The following DUSP10 variants were observed in gnomAD, a reference collection of about 807,000 sequenced individuals.
DUSP10 encodes the protein dual specificity protein phosphatase 10.
Under a neutral mutation model 30.8 loss-of-function variants are expected in DUSP10, and 14 were observed. The ratio of observed to expected loss-of-function variants is 0.46; its 90% CI spans 0.30 to 0.71. The LOEUF (loss-of-function observed/expected upper bound fraction) is 0.71, where lower values mean the gene tolerates loss of function less well. Ranked by LOEUF, DUSP10 falls within the 30% of genes least tolerant of loss-of-function variation. The pLI is 0.08. For synonymous variants in DUSP10, 254 were observed against 250.4 expected, an observed-to-expected ratio of 1.01 and a Z score of -0.14; for missense variants, 550 against 619.4, an observed-to-expected ratio of 0.89 and a Z score of 1.19.
chr1:221,713,559 G>T (rs182383092), intron 2 of DUSP10, among the ~76,000 whole-genome samples: 1 of 151,922 alleles, frequency 6.6e-6, no homozygotes, highest in African/African-American at 2.4e-5. Context: ...TCCTCAATAA[G>T]TTGAGGTGTT....
chr1:221,711,136 G>A (rs1246700525), intron 2 of DUSP10, among the ~76,000 whole-genome samples: 1 of 152,178 alleles, frequency 6.6e-6, no homozygotes, highest in African/African-American at 2.4e-5. Flanking sequence ...CAGTCCTACT[G>A]AAGCAATGGA....
intron 2 of DUSP10, among the ~76,000 whole-genome samples, chr1:221,713,567 G>A (rs1256583369): frequency 6.6e-6 from 1 of 150,938 alleles, no homozygotes; most frequent in African/African-American, 2.4e-5. Context: ...AAGTTGAGGT[G>A]TTTACAGTTT....
At chr1:221,709,741 T>C (rs1049523043) in intron 2 of DUSP10, among the ~76,000 whole-genome samples, 1 of 152,090 alleles carries the variant, frequency 6.6e-6, no homozygotes, top group African/African-American at 2.4e-5. Flanking sequence ...TTTCTTCTCT[T>C]GGGGAAGGGT....
chr1:221,705,523 C>T (rs1302673399), intron 3 of DUSP10, among the ~76,000 whole-genome samples: 1 of 152,098 alleles, frequency 6.6e-6, no homozygotes. Context: ...GCTAAAACTT[C>T]CTCCTTGGGA....
chr1:221,734,511 T>G (rs767609737), intron 2 of DUSP10, among the ~76,000 whole-genome samples: 1 of 152,252 alleles, frequency 6.6e-6, no homozygotes, highest in African/African-American at 2.4e-5. Flanking sequence ...TCTACCATAT[T>G]TATGGAGTGC....
In DUSP10 at chr1:221,701,869, C is replaced by A. The variant is rs1373063884; in HGVS notation, c.*543G>T. On this transcript the variant is annotated 3_prime_UTR_variant, in exon 4 of 4. Coordinates refer to ENST00000366899, the MANE Select transcript of DUSP10 (RefSeq NM_007207.6). ...ACACAAAATCAAAGGTATCCTTTTTCTCCTTAAAGAATGCCTGAAGGATTC... is the reference window on the plus strand; with the variant it reads ...ACACAAAATCAAAGGTATCCTTTTTATCCTTAAAGAATGCCTGAAGGATTC... The A allele has an allele frequency of 2.6e-5, 4 of 151,372 alleles. No homozygotes were observed. Among genetic ancestry groups the A allele is most frequent in the African/African-American group, 7.3e-5 (3 of 41,238 alleles). The allele number at this position is 151,372 out of a possible 1,614,324, so 9.4% of individuals were successfully genotyped here.
chr1:221,730,480 G>A (rs1297900600), intron 2 of DUSP10, among the ~76,000 whole-genome samples: 1 of 152,214 alleles, frequency 6.6e-6, no homozygotes, highest in Admixed American at 6.5e-5. Context: ...GAAGCACTCA[G>A]GAAGAGTTGC....
rs1461829523 is a variant in DUSP10 at position 221,702,123 on chromosome 1, T to TA, written c.*288dup. On this transcript the variant is annotated 3_prime_UTR_variant, in exon 4 of 4. Transcript: ENST00000366899. The surrounding 1 kb of genome is among the most constrained non-coding windows in gnomAD (Gnocchi z 4.5). Reference sequence around the variant, plus strand: ...TTAGTCATAAACTCTACAAATAGCTTAAAAGGAAAAGGGGGAGAAACAAGT... The same window carrying TA: ...TTAGTCATAAACTCTACAAATAGCTTAAAAAGGAAAAGGGGGAGAAACAAGT... The TA allele has an allele frequency of 2.7e-6, 1 of 366,160 alleles. No homozygotes were observed. Among genetic ancestry groups the TA allele is most frequent in the Non-Finnish European group, 5.0e-6 (1 of 198,288 alleles). 22.7% of individuals were successfully genotyped at this position (366,160 alleles called of 1,614,324 possible). A position where few individuals can be genotyped will look rare whatever the true frequency, so the allele number is the denominator to read the frequency against.
intron 2 of DUSP10, among the ~76,000 whole-genome samples, chr1:221,713,487 G>A (rs1279760076): frequency 1.3e-5 from 2 of 152,064 alleles, no homozygotes; most frequent in Non-Finnish European, 2.9e-5. Context: ...CATACTTCTA[G>A]AAATTTTTGA....
intron 2 of DUSP10, among the ~76,000 whole-genome samples, chr1:221,710,247 G>C (rs1660896093): frequency 6.6e-6 from 1 of 152,054 alleles, no homozygotes; most frequent in African/African-American, 2.4e-5. Flanking sequence ...TAGTCCATGA[G>C]AGCCCTAAGT....
chr1:221,715,532 ATAAC>A (rs1661073550), intron 2 of DUSP10, among the ~76,000 whole-genome samples: 2 of 152,354 alleles, frequency 1.3e-5, no homozygotes, highest in South Asian at 4.1e-4. Flanking sequence ...GCTTTAATGA[ATAAC>A]TAATGTTTGA....
chr1:221,723,729 A>C (rs1301454772), intron 2 of DUSP10, among the ~76,000 whole-genome samples: 1 of 152,262 alleles, frequency 6.6e-6, no homozygotes, highest in African/African-American at 2.4e-5. Flanking sequence ...AGGGTCCTGC[A>C]TATGGAGCTT....
intron 2 of DUSP10, among the ~76,000 whole-genome samples, chr1:221,723,220 C>T (rs556425809): frequency 1.1e-4 from 16 of 152,308 alleles, no homozygotes; most frequent in African/African-American, 3.9e-4. Flanking sequence ...AGAGGCCTGC[C>T]TGCCTCCCAA....
chr1:221,739,847 C>T, intron 1 of DUSP10, 60 bp from the exon 2 acceptor site: 1 of 1,445,132 alleles, frequency 6.9e-7, no homozygotes, highest in South Asian at 1.5e-5. Context: ...AAGGCAGTCT[C>T]ATCCAATCCC....
At position 221,719,214 on chromosome 1, in the gene DUSP10, C is replaced by T. The variant is rs75078707; in HGVS notation, c.812-12748G>A. 2.8e-3 allele frequency among the ~76,000 whole-genome samples: 433 copies of T among 152,218 alleles called. 10 individuals are homozygous for T. The East Asian group carries it at 0.067, about 24-fold the overall frequency. On this transcript the variant is annotated intron_variant, in intron 2 of 3. Transcript: ENST00000366899. ...CAAAATTTGAATTGTTTTCCTGAACCGATGTTTTCACTTCACAAAAGGCAT... is the reference window on the plus strand; with the variant it reads ...CAAAATTTGAATTGTTTTCCTGAACTGATGTTTTCACTTCACAAAAGGCAT...
Position 221,706,429 on chromosome 1 carries a change from G to A in DUSP10, c.849C>T (p.Leu283=), listed in dbSNP as rs1660764851. The A allele has an allele frequency of 2.0e-6, 3 of 1,536,586 alleles. No individual in the cohort carries two copies. The highest frequency in any genetic ancestry group is 1.4e-5 in the African/African-American group (1 of 72,344). ...CTTGGAGCTGGAGGGAGTTGTCACA[G>A]AGGTTTTCATGGTTCTGCTTAAAAC... ...LSSFKQNHEN[L]CDNSLQLQEC... Residue 283 remains leucine (L), a synonymous_variant, in exon 3 of 4, where the codon CTC becomes CTT. Transcript: ENST00000366899. The surrounding 1 kb of genome is among the most constrained non-coding windows in gnomAD (Gnocchi z 4.6).
intron 2 of DUSP10, among the ~76,000 whole-genome samples, chr1:221,714,303 A>C (rs919315195): frequency 2.0e-5 from 3 of 152,154 alleles, no homozygotes; most frequent in African/African-American, 7.2e-5. Context: ...TTTTCCTTTT[A>C]ATGAAAAGCA....
chr1:221,705,111 G>GGTTT (rs59522738), intron 3 of DUSP10, among the ~76,000 whole-genome samples: 16 of 142,002 alleles, frequency 1.1e-4, no homozygotes, highest in African/African-American at 1.8e-4. Context: ...TATTTTGAGT[G>GGTTT]TTTTTTTTTT....
intron 2 of DUSP10, among the ~76,000 whole-genome samples, chr1:221,736,120 C>T (rs147033259): frequency 3.3e-5 from 5 of 152,128 alleles, no homozygotes; most frequent in Admixed American, 6.5e-5. Flanking sequence ...TGCCTCTGAT[C>T]GGTTTCTTCC....
Sources: allele counts gnomAD v4.1 joint callset (sites outside exome capture counted in the v4.1 genomes callset), GRCh38; gene constraint gnomAD v4.1.1; non-coding constraint Gnocchi (gnomAD v3.1); transcripts MANE v1.5; gene names NCBI Gene and HGNC (gene_info 2026-07-23, HGNC 2026-07-21).